CCDC158: variants seen among roughly 807,000 people sequenced by gnomAD.
CCDC158 encodes coiled-coil domain-containing protein 158.
CCDC158 carries 116 observed loss-of-function variants against 138.6 expected under a neutral mutation model. The ratio of observed to expected loss-of-function variants is 0.84; its 90% CI spans 0.72 to 0.98. The LOEUF (loss-of-function observed/expected upper bound fraction) is 0.98, where lower values mean the gene tolerates loss of function less well. CCDC158 is among the 50% of genes least tolerant of loss of function. The probability of loss-of-function intolerance (pLI) is 0.00; values close to 1 mark genes in which losing one functional copy is unlikely to be tolerated. For synonymous variants in CCDC158, 436 were observed against 442.4 expected (o/e 0.99, Z 0.18); for missense variants, 1,265 against 1,306.1 (o/e 0.97, Z 0.48).
intron 22 of CCDC158, among the ~76,000 whole-genome samples, chr4:76,327,677 T>C (rs1034953629): frequency 2.6e-5 from 4 of 152,230 alleles, no homozygotes; most frequent in Non-Finnish European, 4.4e-5. Flanking sequence ...CTGTTGTATA[T>C]GACATGGTCA....
chr4:76,401,547 A>C, intron 3 of CCDC158: 1 of 172,764 alleles, frequency 5.8e-6, no homozygotes, highest in South Asian at 1.4e-4. Context: ...ATGAAGAGAA[A>C]CGGCCAAGCA....
intron 12 of CCDC158, among the ~76,000 whole-genome samples, 163 bp from the exon 13 acceptor site, chr4:76,362,478 A>G (rs1227531295): frequency 6.6e-6 from 1 of 152,074 alleles, no homozygotes; most frequent in Non-Finnish European, 1.5e-5. Context: ...TTATCTTTTC[A>G]TTACTTCCCA....
chr4:76,386,066 A>G (rs75843517), intron 4 of CCDC158, among the ~76,000 whole-genome samples: 4,481 of 152,300 alleles, frequency 0.029, 218 homozygotes, highest in African/African-American at 0.1. Flanking sequence ...TGCATAAAAT[A>G]TATCTCTTTC....
chr4:76,355,798 C>CGTGTGTGTGTGTGTGT (rs71212417), intron 14 of CCDC158, among the ~76,000 whole-genome samples: 169 of 145,580 alleles, frequency 1.2e-3, no homozygotes, highest in South Asian at 1.4e-3. Context: ...AATATATGTA[C>CGTGTGTGTGTGTGTGT]GTGTGTGTGT....
At chr4:76,394,238 T>C (rs1158545309) in intron 4 of CCDC158, among the ~76,000 whole-genome samples, 3 of 152,146 alleles carry the variant, frequency 2.0e-5, no homozygotes, top group Non-Finnish European at 4.4e-5. Flanking sequence ...TAAGTGTCTA[T>C]CCACAGATGA....
Position 76,353,223 on chromosome 4 carries a change from G to T in CCDC158, c.2345C>A (p.Ala782Asp), listed in dbSNP as rs777599728. The T allele has an allele frequency of 1.2e-6, 2 of 1,612,920 alleles. No individual in the cohort carries two copies. The highest frequency in any genetic ancestry group is 2.2e-5 in the East Asian group (1 of 44,808). The change falls in exon 16 of 25, where the codon GCC becomes GAC. Residue 782 changes from alanine to aspartate, a missense_variant. Coordinates refer to ENST00000682701, the MANE Select transcript of CCDC158 (RefSeq NM_001394954.1). ...CCCAGCCATCTTGTTTTTTTCTGTG[G>T]CAACAGTACTCAATTCCTGACTGAG... is the stretch of plus-strand genomic sequence containing the variant. The part of the protein sequence containing the change: ...SKLSQELSTV[A>D]TEKNKMAGEL...
At chr4:76,388,302 T>C (rs370661084) in intron 4 of CCDC158, among the ~76,000 whole-genome samples, 19 of 152,176 alleles carry the variant, frequency 1.2e-4, no homozygotes, top group East Asian at 3.9e-4. Context: ...GGACTATGCA[T>C]TGGGACCTGG....
intron 1 of CCDC158, among the ~76,000 whole-genome samples, chr4:76,414,929 A>G (rs1330086648): frequency 3.3e-5 from 5 of 152,202 alleles, no homozygotes; most frequent in African/African-American, 1.2e-4. Flanking sequence ...AAAAGATACC[A>G]GAAAATGTGG....
intron 7 of CCDC158, among the ~76,000 whole-genome samples, chr4:76,383,209 C>G (rs2110305182): frequency 6.6e-6 from 1 of 152,280 alleles, no homozygotes; most frequent in South Asian, 2.1e-4. Flanking sequence ...TAGCCCAGAC[C>G]TAGCAAGAAT....
chr4:76,362,280 C>G lies in CCDC158; in HGVS notation c.1866G>C (p.Glu622Asp). ...LKDKKDAKIR[E>D]LEARVSDLEL... ...CCAAGTCACTCACTCTGGCCTCAAG[C>G]TCCCGGATCTTTGCATCTTTTTTAT... Residue 622 changes from glutamate (E) to aspartate (D), a missense_variant, in exon 13 of 25, where the codon GAG becomes GAC. Physicochemically the swap from Glu to Asp is conservative, Grantham distance 45 (BLOSUM62 2). Coordinates refer to ENST00000682701, the MANE Select transcript of CCDC158 (RefSeq NM_001394954.1). The G allele has an allele frequency of 6.2e-7, 1 of 1,613,292 alleles. No homozygotes were observed. The highest frequency in any genetic ancestry group is 1.7e-4 in the Middle Eastern group (1 of 6,056).
intron 22 of CCDC158, among the ~76,000 whole-genome samples, chr4:76,328,001 C>A (rs1327254141): frequency 6.6e-6 from 1 of 152,030 alleles, no homozygotes; most frequent in Non-Finnish European, 1.5e-5. Flanking sequence ...TTCTCCATGG[C>A]TATAATTTCA....
upstream of CCDC158, among the ~76,000 whole-genome samples, chr4:76,421,494 T>A (rs114371304): frequency 0.03 from 4,621 of 152,074 alleles, 224 homozygotes; most frequent in African/African-American, 0.11. Flanking sequence ...CTAACTGGTC[T>A]CCGGCCCTAC....
chr4:76,407,873 T>A (rs1728957515), intron 2 of CCDC158, among the ~76,000 whole-genome samples: 1 of 152,268 alleles, frequency 6.6e-6, no homozygotes, highest in East Asian at 1.9e-4. Flanking sequence ...GAAACCACAC[T>A]TGTCTACTTC....
At chr4:76,326,322 T>G (rs925454) in intron 22 of CCDC158, among the ~76,000 whole-genome samples, 93,606 of 151,906 alleles carry the variant, frequency 0.62, 29,241 homozygotes, top group East Asian at 0.78. Flanking sequence ...CTCCCTAGAG[T>G]AAGGTAATCT....
At chr4:76,344,653 A>C in intron 18 of CCDC158, 3 of 1,606,402 alleles carry the variant, frequency 1.9e-6, no homozygotes, top group Non-Finnish European at 2.6e-6. Context: ...GTGCACACAA[A>C]GACCACACTG....
chr4:76,383,404 C>T (rs1726464307), intron 7 of CCDC158, among the ~76,000 whole-genome samples: 1 of 152,112 alleles, frequency 6.6e-6, no homozygotes, highest in Non-Finnish European at 1.5e-5. Context: ...CCCATTTGGC[C>T]TTGTATTGGG....
chr4:76,336,741 C>T (rs1721547448), intron 18 of CCDC158, among the ~76,000 whole-genome samples: 1 of 152,160 alleles, frequency 6.6e-6, no homozygotes, highest in Non-Finnish European at 1.5e-5. Flanking sequence ...TCCTTACTTC[C>T]TGACACACAC....
intron 24 of CCDC158, among the ~76,000 whole-genome samples, chr4:76,320,438 C>A (rs1159855341): frequency 1.3e-5 from 2 of 152,090 alleles, no homozygotes; most frequent in East Asian, 3.8e-4. Context: ...CTGGAAAAAA[C>A]ATTCCTAAAA....
Position 76,334,094 on chromosome 4 carries a change from C to A in CCDC158, c.2738G>T (p.Ser913Ile). 1 of 1,613,846 alleles carries A rather than the reference C, an allele frequency of 6.2e-7. No individual in the cohort carries two copies. The highest frequency in any genetic ancestry group is 1.1e-5 in the South Asian group (1 of 91,046). The change falls in exon 19 of 25, where the codon AGC (serine) becomes ATC (isoleucine). Residue 913 changes from serine to isoleucine, a missense_variant. By Grantham distance (142) the Ser-to-Ile change is moderately radical. Coordinates refer to ENST00000682701, the MANE Select transcript of CCDC158 (RefSeq NM_001394954.1). Reference sequence around the variant, plus strand: ...CACAGCTGGCTCCTCATTGATCACGCTTCTCAACTCTTGGAGAAGCTGTTT... The same window carrying A: ...CACAGCTGGCTCCTCATTGATCACGATTCTCAACTCTTGGAGAAGCTGTTT... ...DLKQLLQELRSVINEEPAVSL... is the reference protein window; with the variant it reads ...DLKQLLQELRIVINEEPAVSL...
Sources: gnomAD v4.1 joint callset for allele counts (sites outside exome capture counted in the v4.1 genomes callset) on GRCh38, gnomAD v4.1.1 for gene constraint, MANE v1.5 for transcripts, NCBI Gene and HGNC (gene_info 2026-07-23, HGNC 2026-07-21) for gene names.